WDHD1: variants seen among roughly 807,000 people sequenced by gnomAD.
WDHD1 encodes WD repeat and HMG-box DNA binding protein 1.
Under a neutral mutation model 135.4 loss-of-function variants are expected in WDHD1, and 111 were observed. The observed-to-expected ratio is 0.82, with a 90% CI of 0.70 to 0.96. WDHD1 has a LOEUF of 0.96. Ranked by LOEUF, WDHD1 falls within the 40% of genes least tolerant of loss-of-function variation. The probability of loss-of-function intolerance (pLI) is 0.00; values close to 1 mark genes in which losing one functional copy is unlikely to be tolerated. For missense variants in WDHD1, 1,351 were observed against 1,336.3 expected (o/e 1.01, Z -0.17); for synonymous variants, 434 against 439.0 (o/e 0.99, Z 0.14).
At chr14:54,988,674 A>T (rs1029037985) in intron 13 of WDHD1, among the ~76,000 whole-genome samples, 7 of 151,888 alleles carry the variant, frequency 4.6e-5, no homozygotes, top group Admixed American at 1.3e-4. Flanking sequence ...CATTTTCCGA[A>T]ACTTCTATAC....
Position 55,006,871 on chromosome 14 carries a change from A to G in WDHD1, c.600+409T>C, listed in dbSNP as rs1443441865. ...AAATTTATAATCCAAATTTTTAAAA[A>G]GTAATTAAAAAAACTATTTTTACAC... On this transcript the variant is annotated intron_variant, in intron 7 of 25. Transcript: ENST00000360586. Among the ~76,000 whole-genome samples the G allele has an allele frequency of 2.6e-5, 4 of 152,172 alleles. No individual in the cohort carries two copies. The East Asian group carries it at 7.7e-4, about 29-fold the overall frequency.
chr14:55,011,132 G>A (rs562897051), intron 3 of WDHD1, among the ~76,000 whole-genome samples: 1 of 152,324 alleles, frequency 6.6e-6, no homozygotes, highest in East Asian at 1.9e-4. Flanking sequence ...TGTTACAGCA[G>A]CCTTAGTAAA....
intron 7 of WDHD1, among the ~76,000 whole-genome samples, chr14:55,002,884 G>A (rs1042721592): frequency 4.6e-5 from 7 of 152,036 alleles, no homozygotes; most frequent in Admixed American, 2.6e-4. Context: ...GAGACACCAT[G>A]CCTGACCTTC....
chr14:54,980,142 T>C (rs745736560), intron 16 of WDHD1, among the ~76,000 whole-genome samples: 3 of 152,008 alleles, frequency 2.0e-5, no homozygotes, highest in Non-Finnish European at 2.9e-5. Flanking sequence ...CTAGGCAACA[T>C]GGTGAAACCC....
At chr14:54,967,227 T>G (rs1174148630) in intron 17 of WDHD1, 53 bp downstream of exon 17, 2 of 1,339,324 alleles carry the variant, frequency 1.5e-6, no homozygotes, top group African/African-American at 2.9e-5. Context: ...AGTGTGTGTA[T>G]CACAGGTGCT....
chr14:54,997,918 A>C lies in WDHD1; in HGVS notation c.943-2105T>G. 1.3e-5 allele frequency among the ~76,000 whole-genome samples: 2 copies of C among 151,740 alleles called. 1 individual carries two copies. ...AAGAGCGGAACTCCGTCTCAAAAAAAAAAAATGGGGAGGCCAGGCACGGTG... is the reference window on the plus strand; with the variant it reads ...AAGAGCGGAACTCCGTCTCAAAAAACAAAAATGGGGAGGCCAGGCACGGTG... On this transcript the variant is annotated intron_variant, in intron 10 of 25. Coordinates refer to ENST00000360586, the MANE Select transcript of WDHD1 (RefSeq NM_007086.4).
intron 10 of WDHD1, among the ~76,000 whole-genome samples, chr14:54,999,472 G>C (rs1247413913): frequency 6.6e-6 from 1 of 152,196 alleles, no homozygotes; most frequent in African/African-American, 2.4e-5. Flanking sequence ...ACCAAATTCT[G>C]AATCTCTGGG....
chr14:55,005,005 T>G (rs2042040938), intron 7 of WDHD1: 1 of 544,170 alleles, frequency 1.8e-6, no homozygotes, highest in South Asian at 1.4e-5. Flanking sequence ...GGAGCTGGAG[T>G]AGTCCATTCA....
In WDHD1 at chr14:54,945,979, C is replaced by T. The variant is rs563174388; in HGVS notation, c.3051-1509G>A. On this transcript the variant is annotated intron_variant, in intron 24 of 25. Coordinates refer to ENST00000360586, the MANE Select transcript of WDHD1 (RefSeq NM_007086.4). ...TACTAGTATGACCATAACCATTTGC[C>T]CAATTTCTGAAAATATGCAAATTTT... Among the ~76,000 whole-genome samples the T allele has an allele frequency of 2.6e-5, 4 of 152,182 alleles. No homozygotes were observed. In the South Asian group the frequency reaches 8.3e-4, roughly 32 times the overall value.
At position 54,944,248 on chromosome 14, in the gene WDHD1, A is replaced by G. The variant is rs1488279086; in HGVS notation, c.3189+84T>C. On this transcript the variant is annotated intron_variant, in intron 25 of 25. Transcript: ENST00000360586. ...GCTAGGATTACAGGCATAAGACACC[A>G]TACCCAGCCAAAAGGCATTTCTATA... The G allele has an allele frequency of 4.0e-5, 62 of 1,563,936 alleles. No individual in the cohort carries two copies. The Middle Eastern group carries it at 1.0e-3, about 26-fold the overall frequency.
At chr14:54,944,827 CA>C (rs2040896266) in intron 24 of WDHD1, among the ~76,000 whole-genome samples, 1 of 152,046 alleles carries the variant, frequency 6.6e-6, no homozygotes, top group South Asian at 2.1e-4. Flanking sequence ...AGGCTGGTCT[CA>C]AACTCCTGAC....
At chr14:55,014,986 G>T (rs1318834729) in intron 2 of WDHD1, among the ~76,000 whole-genome samples, 1 of 152,128 alleles carries the variant, frequency 6.6e-6, no homozygotes, top group Non-Finnish European at 1.5e-5. Flanking sequence ...AAAGGAAAAT[G>T]AAGTCTAGGT....
intron 16 of WDHD1, among the ~76,000 whole-genome samples, chr14:54,974,358 A>G (rs74393039): frequency 2.6e-5 from 4 of 151,886 alleles, no homozygotes; most frequent in Non-Finnish European, 4.4e-5. Flanking sequence ...GCTTGAGGCC[A>G]GGAGGCAGAA....
At chr14:54,967,625 G>C (rs772827383) in intron 16 of WDHD1, among the ~76,000 whole-genome samples, 15 of 151,920 alleles carry the variant, frequency 9.9e-5, no homozygotes, top group Admixed American at 5.9e-4. Flanking sequence ...CATCTCACTT[G>C]ATTTATTTTT....
At chr14:54,959,424 G>A (rs2041212691) in intron 21 of WDHD1, among the ~76,000 whole-genome samples, 1 of 136,588 alleles carries the variant, frequency 7.3e-6, no homozygotes, top group African/African-American at 2.6e-5. Context: ...AGGGAGGGAA[G>A]AAGGAAGGGA....
In WDHD1 at chr14:54,939,296, G is replaced by C. The variant is rs1301256286; in HGVS notation, c.*2194C>G. ...AGGGACTACCTGGCATCTGTTCCATGTTAGTGACAGTGACTCACCCCAGGT... is the reference window on the plus strand; with the variant it reads ...AGGGACTACCTGGCATCTGTTCCATCTTAGTGACAGTGACTCACCCCAGGT... On this transcript the variant is annotated 3_prime_UTR_variant, in exon 26 of 26. Transcript: ENST00000360586. 1.3e-5 allele frequency: 2 copies of C among 152,172 alleles called. No individual in the cohort carries two copies. The highest frequency in any genetic ancestry group is 2.9e-5 in the Non-Finnish European group (2 of 68,054). 9.4% of individuals were successfully genotyped at this position (152,172 alleles called of 1,614,324 possible).
At chr14:55,006,641 T>C (rs985885233) in intron 7 of WDHD1, among the ~76,000 whole-genome samples, 2 of 152,208 alleles carry the variant, frequency 1.3e-5, no homozygotes, top group African/African-American at 2.4e-5. Flanking sequence ...TCTAACTGTA[T>C]CAGTTAGTAC....
chr14:54,972,554 A>AC (rs2041455854), intron 16 of WDHD1, among the ~76,000 whole-genome samples: 1 of 42,080 alleles, frequency 2.4e-5, no homozygotes, highest in Non-Finnish European at 4.7e-5. Context: ...AGACTGTCAC[A>AC]AAAAAAAAAA....
chr14:54,996,329 C>G (rs2041878161), intron 10 of WDHD1, among the ~76,000 whole-genome samples: 1 of 152,096 alleles, frequency 6.6e-6, no homozygotes, highest in Non-Finnish European at 1.5e-5. Context: ...ACATAAAGCC[C>G]CAGCATGGTG....
Sources: gnomAD v4.1 joint callset for allele counts (sites outside exome capture counted in the v4.1 genomes callset) on GRCh38, gnomAD v4.1.1 for gene constraint, MANE v1.5 for transcripts, NCBI Gene and HGNC (gene_info 2026-07-23, HGNC 2026-07-21) for gene names.